Variants in LMO7 observed in about 807,000 individuals in gnomAD.
LMO7 encodes LIM domain only protein 7.
LMO7 carries 120 observed loss-of-function variants against 206.5 expected under a neutral mutation model. The observed-to-expected ratio is 0.58, with a 90% CI of 0.50 to 0.68. The LOEUF (loss-of-function observed/expected upper bound fraction) is 0.68. Among genes scored for constraint, LMO7 ranks in the 30% least tolerant of loss-of-function variants. The probability of loss-of-function intolerance (pLI) is 0.00; values close to 1 mark genes in which losing one functional copy is unlikely to be tolerated. For synonymous variants in LMO7, 706 were observed against 681.5 expected, an observed-to-expected ratio of 1.04 and a Z score of -0.56; for missense variants, 1,959 against 1,957.9, an observed-to-expected ratio of 1.00 and a Z score of -0.01.
At chr13:75,840,261 C>A in intron 21 of LMO7, 130 bp from the exon 22 acceptor site, 2 of 1,361,974 alleles carry the variant, frequency 1.5e-6, no homozygotes, top group South Asian at 1.2e-5. Context: ...AAATTCAAAG[C>A]CAGCTCTCCC....
At position 75,664,321 on chromosome 13, in the gene LMO7, T is replaced by G. The variant is rs2038905096; in HGVS notation, c.69+27595T>G. Among the ~76,000 whole-genome samples, 4 of 152,244 alleles carry G rather than the reference T, an allele frequency of 2.6e-5. No individual in the cohort carries two copies. The South Asian group carries it at 6.2e-4, about 24-fold the overall frequency. On this transcript the variant is annotated intron_variant, in intron 1 of 30. Transcript: ENST00000377534. ...GCCTGGCTTATTTCACTTAACATAA[T>G]GATCTCCAGTTCCATCCATGTTGTT...
intron 3 of LMO7, among the ~76,000 whole-genome samples, chr13:75,729,961 C>T (rs1349955868): frequency 6.6e-6 from 1 of 152,064 alleles, no homozygotes; most frequent in African/African-American, 2.4e-5. Context: ...ACCAGCCTTG[C>T]ATCCCAGGGA....
chr13:75,733,396 C>A (rs636580), intron 3 of LMO7, among the ~76,000 whole-genome samples: 66,601 of 152,088 alleles, frequency 0.44, 14,927 homozygotes, highest in East Asian at 0.61. Context: ...TGCTAGCAAT[C>A]AGCAAGACTC....
intron 1 of LMO7, among the ~76,000 whole-genome samples, chr13:75,650,550 T>G (rs948524302): frequency 6.6e-6 from 1 of 152,238 alleles, no homozygotes; most frequent in African/African-American, 2.4e-5. Flanking sequence ...CTAGTTGACT[T>G]GACTGAAATG....
rs1010711313 is a variant in LMO7, at chr13:75,859,067, C to T, written c.*1124C>T. The T allele has an allele frequency of 6.6e-6, 1 of 152,016 alleles. No homozygotes were observed. The highest frequency in any genetic ancestry group is 1.5e-5 in the Non-Finnish European group (1 of 67,980). 9.4% of individuals were successfully genotyped at this position (152,016 alleles called of 1,614,324 possible). ...ATATCTATAAAGCAAAAAATGTAGT[C>T]TCTTGTTTAAAAAATCTGGAGCGGG... On this transcript the variant is annotated 3_prime_UTR_variant, in exon 31 of 31. Coordinates refer to ENST00000377534, the MANE Select transcript of LMO7 (RefSeq NM_001306080.2).
At chr13:75,668,510 C>T (rs1183288837) in intron 1 of LMO7, among the ~76,000 whole-genome samples, 3 of 152,148 alleles carry the variant, frequency 2.0e-5, no homozygotes, top group African/African-American at 7.2e-5. Context: ...GTGAGTTTTC[C>T]ATGAGAATTT....
intron 1 of LMO7, among the ~76,000 whole-genome samples, chr13:75,656,630 G>A (rs2038085338): frequency 6.6e-6 from 1 of 152,154 alleles, no homozygotes; most frequent in Non-Finnish European, 1.5e-5. Context: ...CTTGCGGTTA[G>A]TAGACTACAG....
At chr13:75,711,384 C>T (rs1467936100) in intron 1 of LMO7, among the ~76,000 whole-genome samples, 1 of 152,186 alleles carries the variant, frequency 6.6e-6, no homozygotes, top group Admixed American at 6.5e-5. Context: ...GTACCAGCTC[C>T]TCCTTGTACC....
intron 1 of LMO7, among the ~76,000 whole-genome samples, chr13:75,640,800 TAA>T (rs1179096806): frequency 5.3e-5 from 8 of 152,234 alleles, no homozygotes; most frequent in Non-Finnish European, 1.2e-4. Flanking sequence ...TTCAGTGTCT[TAA>T]GCTTTATTGG....
intron 23 of LMO7, 85 bp downstream of exon 23, chr13:75,841,286 T>A (rs756484474): frequency 1.2e-6 from 1 of 840,638 alleles, no homozygotes; most frequent in Non-Finnish European, 1.9e-6. Context: ...ACTTCATTTT[T>A]CTCCACCTTT....
chr13:75,630,184 A>G (rs575589414), intron 2 of LMO7, among the ~76,000 whole-genome samples: 1 of 152,060 alleles, frequency 6.6e-6, no homozygotes, highest in East Asian at 1.9e-4. Flanking sequence ...AATTGTTGTA[A>G]TTTTTCATTG....
chr13:75,738,547 A>T (rs959075935), intron 3 of LMO7, among the ~76,000 whole-genome samples: 5 of 152,206 alleles, frequency 3.3e-5, no homozygotes, highest in African/African-American at 1.2e-4. Flanking sequence ...AATTTTATAA[A>T]GAAATACATG....
chr13:75,748,847 T>C (rs2047064594), intron 3 of LMO7, among the ~76,000 whole-genome samples: 1 of 151,672 alleles, frequency 6.6e-6, no homozygotes, highest in African/African-American at 2.4e-5. Context: ...GTCTGGTTCT[T>C]TCACTCAGGC....
chr13:75,853,716 A>G (rs9544053), intron 28 of LMO7, among the ~76,000 whole-genome samples: 19,562 of 152,208 alleles, frequency 0.13, 1,648 homozygotes, highest in Admixed American at 0.22. Flanking sequence ...ATGAAAACAT[A>G]TAGCAGCTCA....
intron 4 of LMO7, among the ~76,000 whole-genome samples, chr13:75,784,567 A>G (rs2052093993): frequency 6.6e-6 from 1 of 152,226 alleles, no homozygotes. Flanking sequence ...CAGGGTTCAT[A>G]TCACACAGCA....
rs2057561745 is a variant in LMO7, at chr13:75,821,432, C to T, written c.2463C>T (p.Ser821=). The T allele has an allele frequency of 6.2e-7, 1 of 1,614,016 alleles. No individual in the cohort carries two copies. Among genetic ancestry groups the T allele is most frequent in the South Asian group, 1.1e-5 (1 of 91,084 alleles). ...LPSQSPVEEQ[S]PASLSSLRSR... is the part of the protein sequence containing the mutation. Reference sequence around the variant, plus strand: ...CTCAAAGTCCTGTGGAAGAACAAAGCCCAGCCTCTTTGTCTTCTCTGCGTT... The same window carrying T: ...CTCAAAGTCCTGTGGAAGAACAAAGTCCAGCCTCTTTGTCTTCTCTGCGTT... Residue 821 remains serine (S), a synonymous_variant, in exon 14 of 31, where the codon AGC becomes AGT. Transcript: ENST00000377534.
At position 75,859,597 on chromosome 13, in the gene LMO7, C is replaced by T. The variant is rs1245726300; in HGVS notation, c.*1654C>T. 6.6e-6 allele frequency: 1 copy of T among 152,126 alleles called. No homozygotes were observed. Among genetic ancestry groups the T allele is most frequent in the Non-Finnish European group, 1.5e-5 (1 of 68,028 alleles). 9.4% of individuals were successfully genotyped at this position (152,126 alleles called of 1,614,324 possible). A position where few individuals can be genotyped will look rare whatever the true frequency, so the allele number is the denominator to read the frequency against. ...ATATAAATATGTAAATTCTGTGATA[C>T]TCTATGATCATCTCTTTCTTTATAT... On this transcript the variant is annotated 3_prime_UTR_variant, in exon 31 of 31. Coordinates refer to ENST00000377534, the MANE Select transcript of LMO7 (RefSeq NM_001306080.2).
intron 16 of LMO7, 92 bp downstream of exon 16, chr13:75,833,257 T>C (rs1419948984): frequency 2.6e-5 from 20 of 771,194 alleles, no homozygotes; most frequent in South Asian, 1.8e-4. Flanking sequence ...GTATTTGATA[T>C]AGGAGGAGAA....
At chr13:75,770,690 C>A (rs1187008560) in intron 4 of LMO7, among the ~76,000 whole-genome samples, 2 of 152,052 alleles carry the variant, frequency 1.3e-5, no homozygotes, top group East Asian at 3.9e-4. Context: ...TCCAGAGTAT[C>A]TCAGAAATAT....
Sources: gnomAD v4.1 joint callset for allele counts (sites outside exome capture counted in the v4.1 genomes callset) on GRCh38, gnomAD v4.1.1 for gene constraint, MANE v1.5 for transcripts, NCBI Gene and HGNC (gene_info 2026-07-23, HGNC 2026-07-21) for gene names.